IQCM: variants seen among roughly 807,000 people sequenced by gnomAD.
IQCM encodes IQ motif containing M, also known as IQ domain-containing protein M.
IQCM carries 45 observed loss-of-function variants against 57.6 expected under a neutral mutation model. That is an observed-to-expected ratio of 0.78 (90% CI 0.62 to 1.00). The LOEUF is 1.00. Among genes scored for constraint, IQCM ranks in the 50% least tolerant of loss-of-function variants. IQCM has a pLI of 0.00. For missense variants in IQCM, 468 were observed against 511.6 expected (o/e 0.91, Z 0.82); for synonymous variants, 148 against 158.9 (o/e 0.93, Z 0.51).
intron 6 of IQCM, among the ~76,000 whole-genome samples, chr4:149,682,551 T>A (rs1022831153): frequency 6.6e-6 from 1 of 151,074 alleles, no homozygotes; most frequent in East Asian, 1.9e-4. Flanking sequence ...CCTAACATGA[T>A]TGAGAGAGCT....
At chr4:149,618,597 A>C (rs192127126) in intron 8 of IQCM, among the ~76,000 whole-genome samples, 74 of 152,294 alleles carry the variant, frequency 4.9e-4, no homozygotes, top group Admixed American at 4.8e-3. Flanking sequence ...ACAAACATGC[A>C]TCTGGCAAAA....
chr4:149,386,407 A>G (rs184221429), intron 13 of IQCM, among the ~76,000 whole-genome samples: 34 of 152,228 alleles, frequency 2.2e-4, no homozygotes, highest in Admixed American at 1.0e-3. Flanking sequence ...AATATTTTGC[A>G]TTCTAAATGT....
At chr4:149,718,495 AT>A (rs1049393017) in intron 5 of IQCM, among the ~76,000 whole-genome samples, 2 of 152,244 alleles carry the variant, frequency 1.3e-5, no homozygotes, top group African/African-American at 4.8e-5. Context: ...TCACACTTCT[AT>A]ACTCCTTTTG....
rs138502848 is a variant in IQCM, at chr4:149,426,065, T to C, written c.1390+7331A>G. ...TGAGTGTAACATTTCCCCACACTCC[T>C]AAGAATATTCTAAGAGTTCTACAGC... On this transcript the variant is annotated intron_variant, in intron 13 of 13. Transcript: ENST00000636793. Among the ~76,000 whole-genome samples, 310 of 152,120 alleles carry C rather than the reference T, an allele frequency of 2.0e-3. 3 individuals carry two copies. Among genetic ancestry groups the C allele is most frequent in the African/African-American group, 6.9e-3 (288 of 41,550 alleles).
At chr4:149,602,883 C>A (rs954234976) in intron 8 of IQCM, among the ~76,000 whole-genome samples, 2 of 151,794 alleles carry the variant, frequency 1.3e-5, no homozygotes, top group Admixed American at 6.6e-5. Context: ...AAATTCAAAA[C>A]CAACACTATT....
chr4:149,517,222 C>T (rs1000026078), intron 12 of IQCM, among the ~76,000 whole-genome samples: 2 of 151,754 alleles, frequency 1.3e-5, no homozygotes, highest in Non-Finnish European at 2.9e-5. Context: ...CAGCTATGAC[C>T]ATGTAGCCAG....
At chr4:149,769,167 C>A (rs879920790) in intron 2 of IQCM, among the ~76,000 whole-genome samples, 1 of 152,080 alleles carries the variant, frequency 6.6e-6, no homozygotes, top group African/African-American at 2.4e-5. Context: ...TATTCATGCA[C>A]GCCAGGTTTT....
chr4:149,481,716 T>TTTTG (rs1740896537), intron 12 of IQCM, among the ~76,000 whole-genome samples: 3 of 138,646 alleles, frequency 2.2e-5, no homozygotes, highest in Non-Finnish European at 3.1e-5. Context: ...TTTTTTTTTT[T>TTTTG]TTTTTTGCTT....
intron 4 of IQCM, among the ~76,000 whole-genome samples, chr4:149,734,696 C>T (rs1225605409): frequency 2.6e-5 from 4 of 152,070 alleles, no homozygotes; most frequent in Admixed American, 1.3e-4. Flanking sequence ...AAAGGCCCAA[C>T]GGTCACAATA....
rs145783581 is a variant in IQCM at position 149,782,523 on chromosome 4, T to C, written c.-49+32788A>G. 4.4e-3 allele frequency among the ~76,000 whole-genome samples: 672 copies of C among 151,706 alleles called. 6 individuals are homozygous for C. Among genetic ancestry groups the C allele is most frequent in the African/African-American group, 0.015 (638 of 41,376 alleles). On this transcript the variant is annotated intron_variant, in intron 2 of 13. Coordinates refer to ENST00000636793, the MANE Select transcript of IQCM (RefSeq NM_001363507.2). ...TATTTGAGAGGCTGAGGTGGGACGA[T>C]TGCTTGAGCCCAGGCTGCAATGAGC...
At chr4:149,596,295 A>C (rs1230929483) in intron 8 of IQCM, among the ~76,000 whole-genome samples, 1 of 152,174 alleles carries the variant, frequency 6.6e-6, no homozygotes, top group East Asian at 1.9e-4. Flanking sequence ...TAAAAACATA[A>C]AAATAAAAGA....
intron 2 of IQCM, among the ~76,000 whole-genome samples, chr4:149,770,699 A>G (rs903650902): frequency 3.3e-5 from 5 of 152,100 alleles, no homozygotes; most frequent in African/African-American, 1.2e-4. Context: ...AGATTTAGGG[A>G]AAAACAAGTT....
At chr4:149,587,371 A>G (rs2149999080) in intron 9 of IQCM, among the ~76,000 whole-genome samples, 1 of 151,876 alleles carries the variant, frequency 6.6e-6, no homozygotes, top group Admixed American at 6.6e-5. Flanking sequence ...ATACAAGTAT[A>G]AAATCTGCCC....
intron 9 of IQCM, among the ~76,000 whole-genome samples, chr4:149,575,333 C>A (rs2149970155): frequency 6.6e-6 from 1 of 151,900 alleles, no homozygotes; most frequent in East Asian, 1.9e-4. Context: ...TCGTGAAATT[C>A]ATCTTTTGTC....
chr4:149,692,695 G>C lies in IQCM; in HGVS notation c.386-6227C>G, dbSNP rs541573849. ...TTAAAACATATGAAAATCTAACATT[G>C]CTGCAGATAAACCTTTAGATGGCAA... On this transcript the variant is annotated intron_variant, in intron 5 of 13. Coordinates refer to ENST00000636793, the MANE Select transcript of IQCM (RefSeq NM_001363507.2). Among the ~76,000 whole-genome samples, 74 of 152,198 alleles carry C rather than the reference G, an allele frequency of 4.9e-4. 1 individual carries two copies. The South Asian group carries it at 0.015, about 32-fold the overall frequency.
At chr4:149,425,645 A>C (rs183578551) in intron 13 of IQCM, among the ~76,000 whole-genome samples, 5 of 152,078 alleles carry the variant, frequency 3.3e-5, no homozygotes, top group Admixed American at 3.3e-4. Context: ...AATGAGGGAA[A>C]TCTTCTTTAT....
intron 12 of IQCM, among the ~76,000 whole-genome samples, chr4:149,499,244 A>G (rs1426439286): frequency 6.6e-6 from 1 of 152,198 alleles, no homozygotes; most frequent in Non-Finnish European, 1.5e-5. Context: ...GTCAGGTGCC[A>G]ATGCTTATTT....
intron 12 of IQCM, among the ~76,000 whole-genome samples, chr4:149,456,992 T>G (rs1737774372): frequency 6.6e-6 from 1 of 152,112 alleles, no homozygotes; most frequent in African/African-American, 2.4e-5. Flanking sequence ...TTACTCCTGT[T>G]GAAACATTTT....
chr4:149,590,247 C>CTTTTTTTTTTTTTTTTTTTTTCTT (rs1753008502), intron 8 of IQCM, among the ~76,000 whole-genome samples: 1 of 73,630 alleles, frequency 1.4e-5, no homozygotes, highest in Non-Finnish European at 2.6e-5. Context: ...TTTTTCTTTC[C>CTTTTTTTTTTTTTTTTTTTTTCTT]TTTTTTTTTT....
Sources: allele counts gnomAD v4.1 joint callset (sites outside exome capture counted in the v4.1 genomes callset), GRCh38; gene constraint gnomAD v4.1.1; transcripts MANE v1.5; gene names NCBI Gene and HGNC (gene_info 2026-07-23, HGNC 2026-07-21).